The following RFC1 variants were observed in gnomAD, a reference collection of about 807,000 sequenced individuals.
RFC1 encodes the protein A1 140 kDa subunit.
A neutral mutation model predicts 137.4 loss-of-function variants in RFC1; 37 were observed. The observed-to-expected ratio is 0.27, with a 90% CI of 0.21 to 0.35. The LOEUF is 0.35. Ranked by LOEUF, RFC1 falls within the 10% of genes least tolerant of loss-of-function variation. RFC1 has a pLI of 1.00. For synonymous variants in RFC1, 429 were observed against 455.7 expected, an observed-to-expected ratio of 0.94 and a Z score of 0.75; for missense variants, 1,205 against 1,358.5, an observed-to-expected ratio of 0.89 and a Z score of 1.78.
rs1441038976 is a variant in RFC1 at position 39,295,658 on chromosome 4, T to C, written c.2910A>G (p.Lys970=). 7 of 1,613,554 alleles carry C rather than the reference T, an allele frequency of 4.3e-6. No homozygotes were observed. The highest frequency in any genetic ancestry group is 5.9e-6 in the Non-Finnish European group (7 of 1,179,808). The change falls in exon 22 of 25, where the codon AAA becomes AAG. Residue 970 remains lysine, a synonymous_variant. Transcript: ENST00000349703. ...SWLGKHSSTG[K]HDRIVQDLAL... is the part of the protein sequence containing the mutation. ...CCAGGTCCTGAACAATACGATCATG[T>C]TTGCCTGTAGACGAGTGCTTCCCCA...
chr4:39,305,026 T>G, intron 14 of RFC1, 98 bp from the exon 15 acceptor site: 2 of 759,992 alleles, frequency 2.6e-6, no homozygotes, highest in Non-Finnish European at 4.8e-6. Flanking sequence ...GGTACAAAAT[T>G]AATATAAAAA....
chr4:39,290,021 T>C lies in RFC1; in HGVS notation c.3187A>G (p.Arg1063Gly). Reference protein sequence around the residue: ...LDPKVKAAFTRAYNKEAHLTP... With the variant: ...LDPKVKAAFTGAYNKEAHLTP... The stretch of plus-strand genomic sequence containing the variant: ...AGGTGGGCTTCCTTATTGTAAGCTC[T>C]TGTGAAGGCTGCTTTCACCTATATG... Residue 1063 changes from arginine to glycine, a missense_variant, in exon 24 of 25, where the codon AGA becomes GGA. Physicochemically the swap from Arg to Gly is moderately radical, Grantham distance 125. This residue lies in a region of RFC1 where 237 missense variants were observed against 304.2 expected (regional missense o/e 0.78). Coordinates refer to ENST00000349703, the MANE Select transcript of RFC1 (RefSeq NM_002913.5). The C allele has an allele frequency of 4.3e-6, 7 of 1,612,728 alleles. No homozygotes were observed. The highest frequency in any genetic ancestry group is 5.9e-6 in the Non-Finnish European group (7 of 1,179,196).
intron 2 of RFC1, among the ~76,000 whole-genome samples, chr4:39,346,288 C>T (rs1740853761): frequency 6.6e-6 from 1 of 152,068 alleles, no homozygotes; most frequent in Non-Finnish European, 1.5e-5. Context: ...ACCAGCCTGA[C>T]CAACATGAAG....
rs867498222 is a variant in RFC1 at position 39,288,605 on chromosome 4, C to A, written c.*156G>T. The A allele has an allele frequency of 6.5e-6, 4 of 619,808 alleles. No homozygotes were observed. The South Asian group carries it at 8.2e-5, about 13-fold the overall frequency. 38.4% of individuals were successfully genotyped at this position (619,808 alleles called of 1,614,324 possible). A position where few individuals can be genotyped will look rare whatever the true frequency, so the allele number is the denominator to read the frequency against. ...GTGTACATAAGCCTACTGCTCATACCCTTCTAGCCATACCACCCTTTATTT... is the reference window on the plus strand; with the variant it reads ...GTGTACATAAGCCTACTGCTCATACACTTCTAGCCATACCACCCTTTATTT... On this transcript the variant is annotated 3_prime_UTR_variant, in exon 25 of 25. Coordinates refer to ENST00000349703, the MANE Select transcript of RFC1 (RefSeq NM_002913.5).
At chr4:39,299,371 T>C (rs1256440258) in intron 21 of RFC1, among the ~76,000 whole-genome samples, 1 of 152,098 alleles carries the variant, frequency 6.6e-6, no homozygotes, top group Non-Finnish European at 1.5e-5. Flanking sequence ...TGTGTGTCTT[T>C]AATTCCTCTA....
chr4:39,305,012 A>G, intron 14 of RFC1, 84 bp from the exon 15 acceptor site: 1 of 798,802 alleles, frequency 1.3e-6, no homozygotes, highest in Non-Finnish European at 2.2e-6. Context: ...TAAGAAAGAA[A>G]GAAGGTACAA....
Position 39,291,647 on chromosome 4 carries a change from C to A in RFC1, c.3160G>T (p.Asp1054Tyr), listed in dbSNP as rs1737682167. 2 of 1,611,530 alleles carry A rather than the reference C, an allele frequency of 1.2e-6. No homozygotes were observed. The highest frequency in any genetic ancestry group is 1.3e-5 in the African/African-American group (1 of 74,864). The change falls in exon 23 of 25, where the codon GAT becomes TAT. Residue 1054 changes from aspartate (D) to tyrosine (Y), a missense_variant. By Grantham distance (160) the Asp-to-Tyr change is radical. Coordinates refer to ENST00000349703, the MANE Select transcript of RFC1 (RefSeq NM_002913.5). ...TGAGTGACATGATTTACCTTGGGATCCAGCTTTGAAAAGGGACTAGGTTTG... is the reference window on the plus strand; with the variant it reads ...TGAGTGACATGATTTACCTTGGGATACAGCTTTGAAAAGGGACTAGGTTTG... ...GGKPSPFSKLDPKVKAAFTRA... is the reference protein window; with the variant it reads ...GGKPSPFSKLYPKVKAAFTRA...
At chr4:39,351,688 G>A (rs1054218005) in intron 1 of RFC1, among the ~76,000 whole-genome samples, 14 of 152,080 alleles carry the variant, frequency 9.2e-5, no homozygotes, top group African/African-American at 2.4e-4. Context: ...TCGGCCAGGC[G>A]CGGTGGCTCA....
At chr4:39,296,965 T>G (rs764562559) in intron 21 of RFC1, among the ~76,000 whole-genome samples, 196 of 151,914 alleles carry the variant, frequency 1.3e-3, no homozygotes, top group Middle Eastern at 6.8e-3. Flanking sequence ...TGAGATGGTA[T>G]CTCATTGTGG....
chr4:39,345,692 T>C (rs1180864319), intron 2 of RFC1, among the ~76,000 whole-genome samples: 1 of 152,128 alleles, frequency 6.6e-6, no homozygotes, highest in Non-Finnish European at 1.5e-5. Flanking sequence ...GGCTAATTTT[T>C]TGTATTTTTA....
At chr4:39,356,353 C>T (rs903268614) in intron 1 of RFC1, among the ~76,000 whole-genome samples, 1 of 152,128 alleles carries the variant, frequency 6.6e-6, no homozygotes, top group African/African-American at 2.4e-5. Flanking sequence ...GGACCAAGAT[C>T]ACGCCACTGC....
chr4:39,336,887 A>G (rs928369955), intron 4 of RFC1, among the ~76,000 whole-genome samples: 5 of 152,260 alleles, frequency 3.3e-5, no homozygotes, highest in Admixed American at 1.3e-4. Context: ...TTTGAAAAAA[A>G]CTTTATTTGT....
intron 22 of RFC1, among the ~76,000 whole-genome samples, chr4:39,294,496 A>AT (rs1737865834): frequency 9.7e-6 from 1 of 102,842 alleles, no homozygotes; most frequent in South Asian, 2.7e-4. Flanking sequence ...ATATGGTGAA[A>AT]CCGTCTCTAC....
intron 4 of RFC1, among the ~76,000 whole-genome samples, chr4:39,331,336 C>G (rs186717592): frequency 2.1e-3 from 327 of 152,290 alleles, no homozygotes; most frequent in Non-Finnish European, 3.0e-3. Flanking sequence ...TTTCCTACCA[C>G]CTTAAAAATG....
At chr4:39,299,887 C>G (rs1465241064) in intron 21 of RFC1, 134 bp downstream of exon 21, 15 of 632,932 alleles carry the variant, frequency 2.4e-5, no homozygotes, top group South Asian at 2.0e-4. Flanking sequence ...TACACTCCAG[C>G]CCGGGCAACA....
intron 21 of RFC1, 140 bp from the exon 22 acceptor site, chr4:39,295,899 C>T: frequency 1.6e-6 from 1 of 632,688 alleles, no homozygotes; most frequent in Non-Finnish European, 2.6e-6. Context: ...CAGACCCTTT[C>T]TATAACTCTG....
At chr4:39,345,209 T>G (rs536158560) in intron 3 of RFC1, among the ~76,000 whole-genome samples, 192 bp downstream of exon 3, 51 of 152,220 alleles carry the variant, frequency 3.4e-4, no homozygotes, top group African/African-American at 1.0e-3. Context: ...GAGAAGGGGT[T>G]TCACCATGTT....
intron 3 of RFC1, 68 bp from the exon 4 acceptor site, chr4:39,342,535 T>C: frequency 1.3e-6 from 2 of 1,494,118 alleles, no homozygotes; most frequent in East Asian, 4.7e-5. Context: ...ATGTTTAAAG[T>C]AGTCACGGTG....
rs116616067 is a variant in RFC1, at chr4:39,353,877, G to A, written c.4-2401C>T. ...AATTAATAATCTGGTTAAAGCAAGT[G>A]GTGGTTTTCAACCTGTTTTCGGACC... On this transcript the variant is annotated intron_variant, in intron 1 of 24. Transcript: ENST00000349703. Among the ~76,000 whole-genome samples the A allele has an allele frequency of 9.9e-3, 1,502 of 152,268 alleles. 22 individuals carry two copies. Among genetic ancestry groups the A allele is most frequent in the African/African-American group, 0.032 (1,328 of 41,554 alleles).
Sources: allele counts gnomAD v4.1 joint callset (sites outside exome capture counted in the v4.1 genomes callset), GRCh38; gene constraint gnomAD v4.1.1; regional missense constraint gnomAD v4.1.1; transcripts MANE v1.5; gene names NCBI Gene and HGNC (gene_info 2026-07-23, HGNC 2026-07-21).